The following KHDRBS2 variants were observed in gnomAD, a reference collection of about 807,000 sequenced individuals.
The protein encoded by KHDRBS2 is KH RNA binding domain containing, signal transduction associated 2.
KHDRBS2 carries 26 observed loss-of-function variants against 44.3 expected under a neutral mutation model. The observed-to-expected ratio is 0.59, with a 90% confidence interval of 0.43 to 0.81. The LOEUF is 0.81. Among genes scored for constraint, KHDRBS2 ranks in the 40% least tolerant of loss-of-function variants. The pLI is 0.00. For missense variants in KHDRBS2, 476 were observed against 433.1 expected (o/e 1.10, Z -0.88); for synonymous variants, 194 against 151.1 (o/e 1.28, Z -2.08).
chr6:61,600,178 G>C, the KHDRBS2 span, among the ~76,000 whole-genome samples: 2 of 152,264 alleles, frequency 1.3e-5, no homozygotes, highest in South Asian at 4.1e-4. Flanking sequence ...GGGAATATGA[G>C]TGGTAAGTGT....
At chr6:62,019,543 C>A (rs1005421722) in intron 3 of KHDRBS2, among the ~76,000 whole-genome samples, 1 of 151,946 alleles carries the variant, frequency 6.6e-6, no homozygotes, top group Non-Finnish European at 1.5e-5. Flanking sequence ...CCTTAATTGG[C>A]TGGTAGAATT....
chr6:62,053,688 TAAAC>T lies in KHDRBS2; in HGVS notation c.220-5698_220-5695del, dbSNP rs1283260590. 9.9e-5 allele frequency among the ~76,000 whole-genome samples: 15 copies of T among 152,042 alleles called. No homozygotes were observed. The East Asian group carries it at 1.7e-3, about 18-fold the overall frequency. On this transcript the variant is annotated intron_variant, in intron 2 of 8. Transcript: ENST00000281156. The stretch of plus-strand genomic sequence containing the variant: ...GTAGATTTACTGATTTAAAAAATCT[TAAAC>T]AAGGTAAAGATGCACATTCTTGACA...
chr6:62,027,918 T>G (rs1405926747), intron 3 of KHDRBS2, among the ~76,000 whole-genome samples: 1 of 152,104 alleles, frequency 6.6e-6, no homozygotes, highest in African/African-American at 2.4e-5. Context: ...CTGAGTTCTG[T>G]GAGCCAGTCT....
At chr6:61,613,770 T>C in the KHDRBS2 span, among the ~76,000 whole-genome samples, 3 of 150,780 alleles carry the variant, frequency 2.0e-5, no homozygotes, top group Non-Finnish European at 4.4e-5. Context: ...TACTAACCAA[T>C]TGTAAATGGG....
chr6:62,071,769 T>G (rs1394225385), intron 2 of KHDRBS2, among the ~76,000 whole-genome samples: 1 of 152,208 alleles, frequency 6.6e-6, no homozygotes, highest in South Asian at 2.1e-4. Context: ...TGAAGTCAGG[T>G]AGCGTGATGC....
chr6:62,193,281 G>T (rs572031488), intron 1 of KHDRBS2, among the ~76,000 whole-genome samples: 16 of 152,074 alleles, frequency 1.1e-4, no homozygotes, highest in Admixed American at 5.9e-4. Flanking sequence ...TGGTCCCTTT[G>T]TTTTAGGTAT....
intron 6 of KHDRBS2, among the ~76,000 whole-genome samples, chr6:61,827,954 G>A (rs1791169532): frequency 6.6e-6 from 1 of 152,084 alleles, no homozygotes; most frequent in African/African-American, 2.4e-5. Flanking sequence ...GCATGATTAG[G>A]TCCACAGTAG....
intron 4 of KHDRBS2, among the ~76,000 whole-genome samples, chr6:61,938,383 A>G (rs1291472636): frequency 1.3e-5 from 2 of 152,170 alleles, no homozygotes; most frequent in Non-Finnish European, 2.9e-5. Context: ...GAAACAGGAT[A>G]TGCTATAAAG....
chr6:61,657,441 CACG>C, the KHDRBS2 span, among the ~76,000 whole-genome samples: 17 of 151,826 alleles, frequency 1.1e-4, no homozygotes, highest in Non-Finnish European at 2.5e-4. Context: ...ACATCGTTTC[CACG>C]ACAACAACCA....
intron 6 of KHDRBS2, among the ~76,000 whole-genome samples, chr6:61,746,850 A>G (rs1054153452): frequency 1.3e-5 from 2 of 152,138 alleles, no homozygotes; most frequent in Non-Finnish European, 2.9e-5. Flanking sequence ...ACCAAAAGCA[A>G]TGGCAACAAA....
chr6:61,694,210 T>C (rs1242507311), intron 8 of KHDRBS2, among the ~76,000 whole-genome samples: 1 of 152,190 alleles, frequency 6.6e-6, no homozygotes, highest in Non-Finnish European at 1.5e-5. Flanking sequence ...CAAGAGATTG[T>C]TCACTACAAC....
At chr6:61,589,820 T>A in the KHDRBS2 span, among the ~76,000 whole-genome samples, 1 of 152,214 alleles carries the variant, frequency 6.6e-6, no homozygotes, top group Non-Finnish European at 1.5e-5. Context: ...GGAGTTTTAT[T>A]TCCCTTACAG....
At chr6:62,061,205 A>T (rs1791760050) in intron 2 of KHDRBS2, among the ~76,000 whole-genome samples, 3 of 149,852 alleles carry the variant, frequency 2.0e-5, no homozygotes, top group African/African-American at 7.4e-5. Context: ...TGTGAATTTG[A>T]TCCTGTCATT....
chr6:62,264,512 A>C (rs1838871595), intron 1 of KHDRBS2, among the ~76,000 whole-genome samples: 1 of 151,782 alleles, frequency 6.6e-6, no homozygotes, highest in African/African-American at 2.4e-5. Flanking sequence ...AATCTACAAA[A>C]GAGCATGGGT....
chr6:61,601,973 A>G, the KHDRBS2 span, among the ~76,000 whole-genome samples: 9 of 152,112 alleles, frequency 5.9e-5, no homozygotes, highest in Non-Finnish European at 1.3e-4. Flanking sequence ...CAAATCAGTT[A>G]GCATTTAGGC....
At position 62,143,382 on chromosome 6, in the gene KHDRBS2, A is replaced by G. The variant is rs77701921; in HGVS notation, c.219+33803T>C. ...ATTATAGTAGATAAACTATTTTAACATGGATAGAATTAATTTTAATGTATA... is the reference window on the plus strand; with the variant it reads ...ATTATAGTAGATAAACTATTTTAACGTGGATAGAATTAATTTTAATGTATA... On this transcript the variant is annotated intron_variant, in intron 2 of 8. Transcript: ENST00000281156. Among the ~76,000 whole-genome samples the G allele has an allele frequency of 3.0e-3, 455 of 152,170 alleles. 3 individuals carry two copies. Among genetic ancestry groups the G allele is most frequent in the Non-Finnish European group, 4.7e-3 (319 of 67,896 alleles).
chr6:62,258,798 T>A (rs1219661104), intron 1 of KHDRBS2, among the ~76,000 whole-genome samples: 1 of 152,040 alleles, frequency 6.6e-6, no homozygotes, highest in Non-Finnish European at 1.5e-5. Flanking sequence ...ATACTCAACC[T>A]GTACATGAAA....
At chr6:61,584,257 GA>G in the KHDRBS2 span, among the ~76,000 whole-genome samples, 1 of 151,774 alleles carries the variant, frequency 6.6e-6, no homozygotes, top group East Asian at 1.9e-4. Context: ...ATGTTAAATA[GA>G]AGTGATGAAA....
At chr6:62,227,627 T>C (rs910564455) in intron 1 of KHDRBS2, among the ~76,000 whole-genome samples, 1 of 152,220 alleles carries the variant, frequency 6.6e-6, no homozygotes, top group African/African-American at 2.4e-5. Context: ...TGCTTCCAGC[T>C]TTTGCTCATT....
Sources: gnomAD v4.1 joint callset for allele counts (sites outside exome capture counted in the v4.1 genomes callset) on GRCh38, gnomAD v4.1.1 for gene constraint, MANE v1.5 for transcripts, NCBI Gene and HGNC (gene_info 2026-07-23, HGNC 2026-07-21) for gene names.